RESF1: variants seen among roughly 807,000 people sequenced by gnomAD.
The protein encoded by RESF1 is gonad expressed transcript.
In RESF1, 65 loss-of-function variants were observed where a neutral mutation model predicts 134.7. The ratio of observed to expected loss-of-function variants is 0.48; its 90% CI spans 0.40 to 0.59. The LOEUF (loss-of-function observed/expected upper bound fraction) is 0.59. Among genes scored for constraint, RESF1 ranks in the 20% least tolerant of loss-of-function variants. The pLI, the probability that RESF1 is intolerant of heterozygous loss-of-function variation, is 0.00. For synonymous variants in RESF1, 762 were observed against 702.2 expected (o/e 1.09, Z -1.35); for missense variants, 2,274 against 2,002.7 (o/e 1.14, Z -2.59).
Position 31,992,703 on chromosome 12 carries a change from T to G in RESF1, c.*168T>G. 2 of 670,298 alleles carry G rather than the reference T, an allele frequency of 3.0e-6. No homozygotes were observed. Among genetic ancestry groups the G allele is most frequent in the South Asian group, 3.5e-5 (2 of 56,354 alleles). 41.5% of individuals were successfully genotyped at this position (670,298 alleles called of 1,614,324 possible). On this transcript the variant is annotated 3_prime_UTR_variant, in exon 6 of 6. Coordinates refer to ENST00000312561, the MANE Select transcript of RESF1 (RefSeq NM_018169.4). ...CTTAATTAAAATGGCTTGAGAACTT[T>G]GGGTAGCCATGTGTAAGAAATGGAT...
intron 2 of RESF1, chr12:31,962,596 C>T (rs1939299970): frequency 6.6e-6 from 1 of 152,206 alleles, no homozygotes; most frequent in Non-Finnish European, 1.5e-5. Context: ...TCCTGGTTTT[C>T]ATGATCGCAA....
chr12:31,983,204 T>G lies in RESF1; in HGVS notation c.2249T>G (p.Ile750Arg). ...MVMHNYESSG[I>R]NITKGTELQI... is the part of the protein sequence containing the mutation. ...ATGCACAATTATGAGTCTTCAGGTA[T>G]AAATATAACAAAGGGAACAGAACTT... Residue 750 changes from isoleucine (I) to arginine (R), a missense_variant, in exon 4 of 6, where the codon ATA (isoleucine) becomes AGA (arginine). Ile to Arg is a moderately conservative substitution (Grantham distance 97). Coordinates refer to ENST00000312561, the MANE Select transcript of RESF1 (RefSeq NM_018169.4). 1.9e-6 allele frequency: 3 copies of G among 1,610,290 alleles called. No homozygotes were observed. Among genetic ancestry groups the G allele is most frequent in the South Asian group, 2.2e-5 (2 of 90,430 alleles).
Position 31,982,574 on chromosome 12 carries a change from AT to A in RESF1, c.1620del (p.Asn540LysfsTer60). 6.2e-7 allele frequency: 1 copy of A among 1,613,956 alleles called. No homozygotes were observed. The highest frequency in any genetic ancestry group is 8.5e-7 in the Non-Finnish European group (1 of 1,180,030). On this transcript the variant is annotated frameshift_variant, in exon 4 of 6. Transcript: ENST00000312561. LOFTEE classifies it high-confidence loss of function. ...GTTGAGATGACCCAGGCAGTATTGA[AT>A]ACTCAGCTTTCATCAGAAAATGTTA... ...SAVEMTQAVL[N>X]TQLSSENVTK... is the part of the protein sequence containing the mutation.
At position 31,985,198 on chromosome 12, in the gene RESF1, A is replaced by G. The variant is rs2120883708; in HGVS notation, c.4243A>G (p.Asn1415Asp). Reference sequence around the variant, plus strand: ...ATTAGGTGACTCTTTGTCAAACCCAAACGAAAGAGCCATTGTTAAAGAAAA... The same window carrying G: ...ATTAGGTGACTCTTTGTCAAACCCAGACGAAAGAGCCATTGTTAAAGAAAA... ...FKLGDSLSNPNERAIVKEKMV... is the reference protein window; with the variant it reads ...FKLGDSLSNPDERAIVKEKMV... Residue 1415 changes from asparagine (N) to aspartate (D), a missense_variant, in exon 4 of 6, where the codon AAC becomes GAC. Coordinates refer to ENST00000312561, the MANE Select transcript of RESF1 (RefSeq NM_018169.4). 6.3e-7 allele frequency: 1 copy of G among 1,577,044 alleles called. No homozygotes were observed.
At chr12:31,986,762 TTGCTC>T (rs879940515) in intron 4 of RESF1, among the ~76,000 whole-genome samples, 16 of 149,120 alleles carry the variant, frequency 1.1e-4, no homozygotes, top group East Asian at 1.9e-4. Context: ...ATTGAAGTCT[TTGCTC>T]TGCTTTTCTG....
At chr12:31,990,720 T>C (rs1384497667) in intron 5 of RESF1, among the ~76,000 whole-genome samples, 1 of 152,178 alleles carries the variant, frequency 6.6e-6, no homozygotes, top group Non-Finnish European at 1.5e-5. Context: ...ATTACAGGTG[T>C]GAGCCACTGC....
chr12:31,974,635 G>T (rs1341151496), intron 3 of RESF1, among the ~76,000 whole-genome samples: 1 of 151,978 alleles, frequency 6.6e-6, no homozygotes, highest in Non-Finnish European at 1.5e-5. Flanking sequence ...CTCCTTAAAG[G>T]CCCTATCTCC....
rs1939767150 is a variant in RESF1 at position 31,980,934 on chromosome 12, C to T, written c.-22C>T. ...TGACTTATAACTGACTTGTAATACA[C>T]TGCTACTATATCAAACCGACAATGA... On this transcript the variant is annotated 5_prime_UTR_variant, in exon 4 of 6. Coordinates refer to ENST00000312561, the MANE Select transcript of RESF1 (RefSeq NM_018169.4). 6.5e-7 allele frequency: 1 copy of T among 1,548,754 alleles called. No individual in the cohort carries two copies. The highest frequency in any genetic ancestry group is 8.8e-7 in the Non-Finnish European group (1 of 1,140,032).
At chr12:31,961,811 TTTG>T (rs1210536323) in intron 2 of RESF1, among the ~76,000 whole-genome samples, 3 of 152,182 alleles carry the variant, frequency 2.0e-5, no homozygotes, top group Non-Finnish European at 2.9e-5. Flanking sequence ...GCCCCAAAGC[TTTG>T]TTGTTCTACA....
intron 3 of RESF1, among the ~76,000 whole-genome samples, chr12:31,977,175 TAAAG>T (rs2120820763): frequency 6.6e-6 from 1 of 152,246 alleles, no homozygotes; most frequent in Admixed American, 6.5e-5. Context: ...CCCGAGGGCA[TAAAG>T]ATATTCTCAT....
At chr12:31,967,627 C>T (rs552949615) in intron 2 of RESF1, among the ~76,000 whole-genome samples, 2 of 150,110 alleles carry the variant, frequency 1.3e-5, no homozygotes, top group African/African-American at 4.9e-5. Flanking sequence ...CCCACCCCCA[C>T]CCCCCACAAC....
At chr12:31,990,473 A>G (rs1240503897) in intron 5 of RESF1, among the ~76,000 whole-genome samples, 2 of 151,966 alleles carry the variant, frequency 1.3e-5, no homozygotes, top group Admixed American at 1.3e-4. Flanking sequence ...TTTTTTAGAC[A>G]GTCTCGCTGT....
intron 3 of RESF1, among the ~76,000 whole-genome samples, chr12:31,975,246 C>CTCTG (rs1348968568): frequency 1.3e-5 from 2 of 152,032 alleles, no homozygotes; most frequent in Non-Finnish European, 2.9e-5. Flanking sequence ...GCCTGGGCGA[C>CTCTG]AGAGCGAGAC....
intron 3 of RESF1, among the ~76,000 whole-genome samples, chr12:31,974,672 C>T (rs1472473511): frequency 6.6e-6 from 1 of 152,136 alleles, no homozygotes; most frequent in Non-Finnish European, 1.5e-5. Flanking sequence ...AGGGCTTTCA[C>T]TTATGAATTT....
At position 31,981,036 on chromosome 12, in the gene RESF1, T is replaced by C. The variant is rs747994748; in HGVS notation, c.81T>C (p.Ser27=). The change falls in exon 4 of 6, where the codon TCT becomes TCC. Residue 27 remains serine, a synonymous_variant. Transcript: ENST00000312561. ...GCCAGCCACCTTTTTTGCACCAGTC[T>C]TTAATAAACCAAATTACCACAACAT... The part of the protein sequence containing the change: ...PKSQPPFLHQ[S]LINQITTTSQ... 6.2e-7 allele frequency: 1 copy of C among 1,614,164 alleles called. No homozygotes were observed. Among genetic ancestry groups the C allele is most frequent in the Non-Finnish European group, 8.5e-7 (1 of 1,180,012 alleles).
At chr12:31,965,309 A>G (rs1939374295) in intron 2 of RESF1, among the ~76,000 whole-genome samples, 1 of 152,170 alleles carries the variant, frequency 6.6e-6, no homozygotes, top group African/African-American at 2.4e-5. Flanking sequence ...GCTGAGTGGC[A>G]GTCAGAAAAT....
At chr12:31,975,648 A>G (rs952550503) in intron 3 of RESF1, among the ~76,000 whole-genome samples, 3 of 152,208 alleles carry the variant, frequency 2.0e-5, no homozygotes, top group Non-Finnish European at 4.4e-5. Context: ...ACCAATTGCT[A>G]TTCCATCACA....
At chr12:31,987,167 AT>A (rs1277073998) in intron 4 of RESF1, 71 bp from the exon 5 acceptor site, 4 of 808,348 alleles carry the variant, frequency 4.9e-6, no homozygotes, top group Admixed American at 2.6e-5. Flanking sequence ...AGCTTACATG[AT>A]TTTCCTTTGT....
In RESF1 at chr12:31,972,232, G is replaced by A. The variant is rs573067452; in HGVS notation, c.-79+1876G>A. 2.0e-5 allele frequency among the ~76,000 whole-genome samples: 3 copies of A among 152,182 alleles called. No individual in the cohort carries two copies. The South Asian group carries it at 6.2e-4, about 32-fold the overall frequency. On this transcript the variant is annotated intron_variant, in intron 3 of 5. Coordinates refer to ENST00000312561, the MANE Select transcript of RESF1 (RefSeq NM_018169.4). Reference sequence around the variant, plus strand: ...CTAACACGACAAACCAAAGGAGCGGGACATGGGAATCCCAGTTTACAGCTG... The same window carrying A: ...CTAACACGACAAACCAAAGGAGCGGAACATGGGAATCCCAGTTTACAGCTG...
Sources: allele counts gnomAD v4.1 joint callset (sites outside exome capture counted in the v4.1 genomes callset), GRCh38; gene constraint gnomAD v4.1.1; transcripts MANE v1.5; gene names NCBI Gene and HGNC (gene_info 2026-07-23, HGNC 2026-07-21).